The following DHX8 variants were observed in gnomAD, a reference collection of about 807,000 sequenced individuals.
DHX8 encodes ATP-dependent RNA helicase DHX8.
In DHX8, 67 loss-of-function variants were observed where a neutral mutation model predicts 140.7. The ratio of observed to expected loss-of-function variants is 0.48; its 90% CI spans 0.39 to 0.58. DHX8 has a LOEUF of 0.58. DHX8 is among the 20% of genes least tolerant of loss of function. The pLI is 0.00. For missense variants in DHX8, 887 were observed against 1,550.7 expected (o/e 0.57, Z 7.19); for synonymous variants, 533 against 553.2 (o/e 0.96, Z 0.51).
chr17:43,492,102 G>C (rs1004242275), intron 4 of DHX8, 81 bp from the exon 5 acceptor site: 2 of 926,422 alleles, frequency 2.2e-6, no homozygotes, highest in African/African-American at 3.2e-5. Flanking sequence ...ATAGTGATTA[G>C]TGATTTATAG....
intron 19 of DHX8, 25 bp from the exon 20 acceptor site, chr17:43,520,726 T>G: frequency 6.2e-7 from 1 of 1,613,670 alleles, no homozygotes; most frequent in South Asian, 1.1e-5. Context: ...AGGGAAGCAG[T>G]TGTAGTCTTT....
chr17:43,520,539 A>G (rs1397419224), intron 19 of DHX8, among the ~76,000 whole-genome samples: 2 of 152,220 alleles, frequency 1.3e-5, no homozygotes, highest in Admixed American at 6.5e-5. Context: ...CTACCCCAAC[A>G]GTAGTTATAT....
chr17:43,518,941 C>T (rs1970245424), intron 18 of DHX8: 3 of 152,128 alleles, frequency 2.0e-5, no homozygotes, highest in Non-Finnish European at 2.9e-5. Context: ...TATTTCATTC[C>T]TTTCTAAGGG....
intron 2 of DHX8, among the ~76,000 whole-genome samples, chr17:43,535,301 G>A (rs931287870): frequency 2.1e-4 from 32 of 151,316 alleles, no homozygotes; most frequent in African/African-American, 7.8e-4. Context: ...TTTTTGAGAT[G>A]GAGCCTCGCT....
Position 43,505,668 on chromosome 17 carries a change from A to G in DHX8, c.1728+843A>G, listed in dbSNP as rs372442746. On this transcript the variant is annotated intron_variant, in intron 12 of 22. Coordinates refer to ENST00000262415, the MANE Select transcript of DHX8 (RefSeq NM_004941.3). ...CCTAGAACAGTTTCCAAGTGGGCAG[A>G]GTATTGTGTTGCATGGACCAACAGC... Among the ~76,000 whole-genome samples, 17 of 152,114 alleles carry G rather than the reference A, an allele frequency of 1.1e-4. No homozygotes were observed. In the East Asian group the frequency reaches 3.3e-3, roughly 29 times the overall value.
chr17:43,490,991 G>T (rs1221218137), intron 3 of DHX8, among the ~76,000 whole-genome samples, 174 bp from the exon 4 acceptor site: 1 of 152,140 alleles, frequency 6.6e-6, no homozygotes, highest in African/African-American at 2.4e-5. Context: ...TGTGATCAAT[G>T]TATTTAGAAA....
At chr17:43,541,994 C>T (rs1322668661) in intron 3 of DHX8, among the ~76,000 whole-genome samples, 2 of 152,164 alleles carry the variant, frequency 1.3e-5, no homozygotes, top group Non-Finnish European at 2.9e-5. Context: ...CCTTTTACTT[C>T]ACTCTTGCAG....
At chr17:43,489,268 G>C (rs4395112) in intron 1 of DHX8, among the ~76,000 whole-genome samples, 181 bp from the exon 2 acceptor site, 35,262 of 152,134 alleles carry the variant, frequency 0.23, 4,239 homozygotes, top group East Asian at 0.32. Flanking sequence ...GCCTCCCAGA[G>C]TGTTGGGATT....
intron 12 of DHX8, among the ~76,000 whole-genome samples, chr17:43,505,406 T>TAA (rs546280688): frequency 1.4e-5 from 2 of 140,888 alleles, no homozygotes; most frequent in Non-Finnish European, 1.6e-5. Context: ...AGACTCTGTC[T>TAA]AAAAAAAAAA....
At chr17:43,500,220 C>G in intron 11 of DHX8, 117 bp downstream of exon 11, 1 of 1,187,616 alleles carries the variant, frequency 8.4e-7, no homozygotes, top group Non-Finnish European at 1.2e-6. Context: ...GGCGGTGGCT[C>G]ATGCCTGTAA....
rs1969569957 is a variant in DHX8 at position 43,507,649 on chromosome 17, G to A, written c.2070G>A (p.Arg690=). 1 of 1,614,028 alleles carries A rather than the reference G, an allele frequency of 6.2e-7. No individual in the cohort carries two copies. The highest frequency in any genetic ancestry group is 1.7e-5 in the Admixed American group (1 of 59,980). ...TCATGTTGGACGAGGCACATGAGAGGACAATTCACACTGATGTGCTCTTTG... is the reference window on the plus strand; with the variant it reads ...TCATGTTGGACGAGGCACATGAGAGAACAATTCACACTGATGTGCTCTTTG... ...AIIMLDEAHE[R]TIHTDVLFGL... The change falls in exon 14 of 23, where the codon AGG becomes AGA. Residue 690 remains arginine, a synonymous_variant. Coordinates refer to ENST00000262415, the MANE Select transcript of DHX8 (RefSeq NM_004941.3).
chr17:43,515,045 C>G (rs1051858506), intron 17 of DHX8, among the ~76,000 whole-genome samples: 29 of 151,930 alleles, frequency 1.9e-4, no homozygotes, highest in Non-Finnish European at 3.4e-4. Context: ...ATGGGTGGTG[C>G]TACTAGATGA....
At chr17:43,498,813 GT>G (rs767490840) in intron 9 of DHX8, 48 bp from the exon 10 acceptor site, 1 of 1,455,252 alleles carries the variant, frequency 6.9e-7, no homozygotes, top group Non-Finnish European at 9.4e-7. Context: ...GGTGAAAATT[GT>G]TATTTTTTCT....
downstream of DHX8, chr17:43,525,863 A>G (rs188744600): frequency 2.9e-5 from 24 of 827,124 alleles, no homozygotes; most frequent in Admixed American, 8.3e-4. Context: ...AGCACTGACA[A>G]TGTTGACACC....
chr17:43,522,207 T>C lies in DHX8; in HGVS notation c.3424T>C (p.Phe1142Leu). The C allele has an allele frequency of 6.2e-7, 1 of 1,613,598 alleles. No homozygotes were observed. The highest frequency in any genetic ancestry group is 8.5e-7 in the Non-Finnish European group (1 of 1,179,652). The stretch of plus-strand genomic sequence containing the variant: ...CTATATCCATCCTTCCAGTGCCCTC[T>C]TCAACAGACAGCCAGAATGGTAGGT... ...VVYIHPSSAL[F>L]NRQPEWVVYH... The change falls in exon 22 of 23, where the codon TTC becomes CTC. Residue 1142 changes from phenylalanine to leucine, a missense_variant. Transcript: ENST00000262415.
intron 13 of DHX8, 118 bp from the exon 14 acceptor site, chr17:43,507,385 G>T: frequency 1.8e-6 from 2 of 1,135,546 alleles, no homozygotes; most frequent in Non-Finnish European, 2.5e-6. Flanking sequence ...GGAAATTACT[G>T]TACATCTTGA....
chr17:43,490,145 G>A (rs1162584254), intron 2 of DHX8, among the ~76,000 whole-genome samples: 1 of 152,132 alleles, frequency 6.6e-6, no homozygotes, highest in East Asian at 1.9e-4. Context: ...TCTAAACCTT[G>A]GGAAATAAAA....
At chr17:43,529,874 C>G (rs1017887280), downstream of DHX8, 1 of 1,614,150 alleles carries the variant, frequency 6.2e-7, no homozygotes, top group Non-Finnish European at 8.5e-7. Flanking sequence ...TCAACAGTCA[C>G]TTCTCTGACC....
At chr17:43,536,116 G>T (rs548403802) in intron 2 of DHX8, among the ~76,000 whole-genome samples, 2 of 143,102 alleles carry the variant, frequency 1.4e-5, no homozygotes, top group African/African-American at 5.1e-5. Flanking sequence ...GTCTTGGGGG[G>T]AAAACAAACA....
Sources: allele counts gnomAD v4.1 joint callset (sites outside exome capture counted in the v4.1 genomes callset), GRCh38; gene constraint gnomAD v4.1.1; transcripts MANE v1.5; gene names NCBI Gene and HGNC (gene_info 2026-07-23, HGNC 2026-07-21).